The following PLET1 variants were observed in gnomAD, a reference collection of about 807,000 sequenced individuals.
The protein encoded by PLET1 is placenta expressed transcript 1.
In PLET1, 20 loss-of-function variants were observed where a neutral mutation model predicts 18.5. That is an observed-to-expected ratio of 1.08 (90% CI 0.76 to 1.57). The LOEUF is 1.57. Ranked by LOEUF, PLET1 falls within the 40% of genes most tolerant of loss-of-function variation. PLET1 has a pLI of 0.00. For synonymous variants in PLET1, 93 were observed against 93.8 expected (o/e 0.99, Z 0.05); for missense variants, 256 against 246.4 (o/e 1.04, Z -0.26).
chr11:112,250,645 G>C (rs1860146341), intron 3 of PLET1, among the ~76,000 whole-genome samples: 1 of 152,144 alleles, frequency 6.6e-6, no homozygotes. Context: ...CTTAAAGACA[G>C]TGTGTTCCTC....
At position 112,255,563 on chromosome 11, in the gene PLET1, A is replaced by G. The variant is rs759239784; in HGVS notation, c.211T>C (p.Tyr71His). 6.8e-5 allele frequency: 105 copies of G among 1,551,196 alleles called. No homozygotes were observed. The highest frequency in any genetic ancestry group is 3.9e-5 in the Admixed American group (2 of 50,970). The change falls in exon 2 of 4, where the codon TAT becomes CAT. Residue 71 changes from tyrosine (Y) to histidine (H), a missense_variant. By Grantham distance (83) the Tyr-to-His change is moderately conservative. Transcript: ENST00000338832. ...SVFVPVNDSV[Y>H]AVVMKTLDEN... is the part of the protein sequence containing the mutation. ...TCCAAGGTTTTCATGACCACAGCAT[A>G]GACGCTGTCATTCACGGGAACAAAT...
At chr11:112,250,562 G>GT (rs1860145647) in intron 3 of PLET1, among the ~76,000 whole-genome samples, 1 of 152,146 alleles carries the variant, frequency 6.6e-6, no homozygotes, top group African/African-American at 2.4e-5. Context: ...ATTTTGTCAT[G>GT]CTGTCAGCCC....
intron 3 of PLET1, among the ~76,000 whole-genome samples, chr11:112,250,470 T>C (rs764918858): frequency 6.6e-6 from 1 of 152,168 alleles, no homozygotes; most frequent in Non-Finnish European, 1.5e-5. Flanking sequence ...ATATATGCTT[T>C]CAAGATAATT....
Position 112,254,131 on chromosome 11 carries a change from C to T in PLET1, c.386+1257G>A, listed in dbSNP as rs569642398. ...TTAAAAAATGATTCTCCAGTTTGAA[C>T]ATAGGGAATATGAAACAAAGAGGGT... On this transcript the variant is annotated intron_variant, in intron 2 of 3. Coordinates refer to ENST00000338832, the MANE Select transcript of PLET1 (RefSeq NM_001145024.1). Among the ~76,000 whole-genome samples, 11 of 151,894 alleles carry T rather than the reference C, an allele frequency of 7.2e-5. No homozygotes were observed. In the East Asian group the frequency reaches 1.9e-3, roughly 27 times the overall value.
chr11:112,250,851 A>G (rs1174211175), intron 3 of PLET1, among the ~76,000 whole-genome samples: 3 of 152,248 alleles, frequency 2.0e-5, no homozygotes, highest in Non-Finnish European at 4.4e-5. Flanking sequence ...GCCTTGAGGA[A>G]AAAACTACTC....
At chr11:112,249,323 A>T (rs1215398796) in intron 3 of PLET1, among the ~76,000 whole-genome samples, 2 of 152,110 alleles carry the variant, frequency 1.3e-5, no homozygotes, top group Non-Finnish European at 2.9e-5. Context: ...TCTTTAATAG[A>T]TTAGGTTAAT....
At chr11:112,257,395 C>T (rs993954955) in intron 1 of PLET1, among the ~76,000 whole-genome samples, 2 of 147,878 alleles carry the variant, frequency 1.4e-5, no homozygotes, top group Admixed American at 1.4e-4. Flanking sequence ...TAAACTGTTG[C>T]ATTCTTAATC....
intron 2 of PLET1, among the ~76,000 whole-genome samples, chr11:112,254,778 C>T (rs56980197): frequency 0.99 from 127,950 of 129,358 alleles, 63,273 homozygotes; most frequent in Non-Finnish European, 0.99. Flanking sequence ...GTGTGGTACG[C>T]ATCGTGTGTG....
At position 112,260,701 on chromosome 11, in the gene PLET1, C is replaced by A; in HGVS notation, c.-112G>T. 1.1e-6 allele frequency: 1 copy of A among 907,646 alleles called. No homozygotes were observed. The highest frequency in any genetic ancestry group is 1.6e-6 in the Non-Finnish European group (1 of 609,176). The allele number at this position is 907,646 out of a possible 1,614,324, so 56.2% of individuals were successfully genotyped here. ...GAAGTCATACATGCAGATCTTCTCC[C>A]TGCCCCTTCTGAATATACATTGGAT... On this transcript the variant is annotated 5_prime_UTR_variant, in exon 1 of 4. In the 5' UTR this introduces an upstream ATG that the reference lacks. Coordinates refer to ENST00000338832, the MANE Select transcript of PLET1 (RefSeq NM_001145024.1).
intron 1 of PLET1, 141 bp downstream of exon 1, chr11:112,260,265 T>C (rs1860273148): frequency 1.1e-6 from 1 of 885,486 alleles, no homozygotes; most frequent in Non-Finnish European, 1.7e-6. Flanking sequence ...TCATTCTTTG[T>C]CTTCCTTCCC....
rs536481241 is a variant in PLET1 at position 112,249,339 on chromosome 11, CA to C, written c.449-366del. 3.9e-5 allele frequency among the ~76,000 whole-genome samples: 6 copies of C among 152,226 alleles called. No homozygotes were observed. In the East Asian group the frequency reaches 7.7e-4, roughly 20 times the overall value. ...CTTTAATAGATTAGGTTAATCAGTG[CA>C]AATATGATCCAGAATGACACAATGT... On this transcript the variant is annotated intron_variant, in intron 3 of 3. Transcript: ENST00000338832.
intron 2 of PLET1, among the ~76,000 whole-genome samples, chr11:112,253,766 A>C (rs1860182684): frequency 6.6e-6 from 1 of 152,132 alleles, no homozygotes; most frequent in Non-Finnish European, 1.5e-5. Flanking sequence ...GGCCCAGTGC[A>C]TGGAGGGAGA....
intron 1 of PLET1, 66 bp downstream of exon 1, chr11:112,260,340 G>A (rs954305055): frequency 1.4e-6 from 2 of 1,414,194 alleles, no homozygotes; most frequent in Middle Eastern, 1.8e-4. Context: ...AGAGGGGTGT[G>A]TTCTGAAATT....
chr11:112,251,970 T>C (rs1397204097), intron 3 of PLET1, among the ~76,000 whole-genome samples: 1 of 152,212 alleles, frequency 6.6e-6, no homozygotes, highest in Non-Finnish European at 1.5e-5. Flanking sequence ...TTGGTTAAAG[T>C]CTACTGTATC....
At position 112,248,565 on chromosome 11, in the gene PLET1, A is replaced by G. The variant is rs1027687983; in HGVS notation, c.*234T>C. On this transcript the variant is annotated 3_prime_UTR_variant, in exon 4 of 4. Transcript: ENST00000338832. The stretch of plus-strand genomic sequence containing the variant: ...GTGACTAAGTTCCGGCCAGTTCTAA[A>G]TATTTTCAAAAAGTGTAATATGTGT... 23 of 515,112 alleles carry G rather than the reference A, an allele frequency of 4.5e-5. No homozygotes were observed. The highest frequency in any genetic ancestry group is 4.3e-4 in the Admixed American group (12 of 27,730). The allele number at this position is 515,112 out of a possible 1,614,324, so 31.9% of individuals were successfully genotyped here.
chr11:112,260,767 A>C lies in PLET1; in HGVS notation c.-178T>G. The C allele has an allele frequency of 3.4e-6, 2 of 585,154 alleles. No individual in the cohort carries two copies. Among genetic ancestry groups the C allele is most frequent in the Non-Finnish European group, 5.9e-6 (2 of 336,384 alleles). 36.2% of individuals were successfully genotyped at this position (585,154 alleles called of 1,614,324 possible). A position where few individuals can be genotyped will look rare whatever the true frequency, so the allele number is the denominator to read the frequency against. On this transcript the variant is annotated 5_prime_UTR_variant, in exon 1 of 4. Transcript: ENST00000338832. ...AAGACATCACCAGGAATGAATCACC[A>C]GTCACCATTACCTGTCACCGATGAT...
chr11:112,253,689 G>A (rs1860181895), intron 2 of PLET1, among the ~76,000 whole-genome samples: 1 of 152,188 alleles, frequency 6.6e-6, no homozygotes, highest in East Asian at 1.9e-4. Context: ...GCTCCCATTG[G>A]GTTCTACTCT....
At position 112,248,883 on chromosome 11, in the gene PLET1, G is replaced by T; in HGVS notation, c.540C>A (p.Gly180=). Residue 180 remains glycine, a synonymous_variant, in exon 4 of 4, where the codon GGC becomes GGA. Transcript: ENST00000338832. ...GGCTGCTGAAGACTTGGTTGGCCAA[G>T]CCTTCGAGTCTGATACTCTTGGGTG... ...MITPKSIRLE[G]LANQVFSSPI... is the part of the protein sequence containing the mutation. 1 of 1,551,612 alleles carries T rather than the reference G, an allele frequency of 6.4e-7. No homozygotes were observed. Among genetic ancestry groups the T allele is most frequent in the Non-Finnish European group, 8.7e-7 (1 of 1,146,996 alleles).
At chr11:112,256,260 C>G (rs1860223245) in intron 1 of PLET1, among the ~76,000 whole-genome samples, 1 of 152,172 alleles carries the variant, frequency 6.6e-6, no homozygotes, top group Admixed American at 6.5e-5. Context: ...ATCTGTCTCT[C>G]CATTTCTTCC....
Sources: gnomAD v4.1 joint callset for allele counts (sites outside exome capture counted in the v4.1 genomes callset) on GRCh38, gnomAD v4.1.1 for gene constraint, MANE v1.5 for transcripts, NCBI Gene and HGNC (gene_info 2026-07-23, HGNC 2026-07-21) for gene names.